The following NOS1 variants were observed in gnomAD, a reference collection of about 807,000 sequenced individuals.
NOS1 encodes the protein nitric oxide synthase 1.
A neutral mutation model predicts 164.5 loss-of-function variants in NOS1; 51 were observed. The ratio of observed to expected loss-of-function variants is 0.31; its 90% CI spans 0.25 to 0.39. NOS1 has a LOEUF of 0.39. Among genes scored for constraint, NOS1 ranks in the 10% least tolerant of loss-of-function variants. NOS1 has a pLI of 1.00. For missense variants in NOS1, 1,362 were observed against 1,885.6 expected (o/e 0.72, Z 5.14); for synonymous variants, 719 against 745.8 (o/e 0.96, Z 0.59).
chr12:117,213,369 G>A lies in NOS1; in HGVS notation c.*1940C>T. The A allele has an allele frequency of 1.0e-6, 1 of 985,492 alleles. No homozygotes were observed. Among genetic ancestry groups the A allele is most frequent in the Non-Finnish European group, 1.2e-6 (1 of 829,970 alleles). 61.0% of individuals were successfully genotyped at this position (985,492 alleles called of 1,614,324 possible). On this transcript the variant is annotated 3_prime_UTR_variant, in exon 29 of 29. Transcript: ENST00000317775. Reference sequence around the variant, plus strand: ...CCCTTCAGGATTAGAAGGGGTGAGTGTGGGATGCTAAGTGTTTGTTCTTTA... The same window carrying A: ...CCCTTCAGGATTAGAAGGGGTGAGTATGGGATGCTAAGTGTTTGTTCTTTA...
At chr12:117,323,640 G>C (rs1875094500) in intron 2 of NOS1, among the ~76,000 whole-genome samples, 1 of 152,114 alleles carries the variant, frequency 6.6e-6, no homozygotes, top group African/African-American at 2.4e-5. Flanking sequence ...AGATTGACCA[G>C]ACTCATAATT....
rs1045826264 is a variant in NOS1, at chr12:117,209,260, C to T, written c.*6049G>A. On this transcript the variant is annotated 3_prime_UTR_variant, in exon 29 of 29. Coordinates refer to ENST00000317775, the MANE Select transcript of NOS1 (RefSeq NM_000620.5). Reference sequence around the variant, plus strand: ...ACATTGGGCAATGTCTGATGACATACTTGATTGTTACCGTTGGCAGGACAC... The same window carrying T: ...ACATTGGGCAATGTCTGATGACATATTTGATTGTTACCGTTGGCAGGACAC... 4.1e-6 allele frequency: 4 copies of T among 976,872 alleles called. No individual in the cohort carries two copies. The highest frequency in any genetic ancestry group is 4.9e-6 in the Non-Finnish European group (4 of 822,072). 60.5% of individuals were successfully genotyped at this position (976,872 alleles called of 1,614,324 possible). A position where few individuals can be genotyped will look rare whatever the true frequency, so the allele number is the denominator to read the frequency against.
At chr12:117,353,307 CATCT>C (rs1441620846) in intron 1 of NOS1, among the ~76,000 whole-genome samples, 3 of 152,004 alleles carry the variant, frequency 2.0e-5, no homozygotes, top group Non-Finnish European at 4.4e-5. Context: ...GTCTATCTAT[CATCT>C]ATCTACCTAC....
At chr12:117,216,992 T>C (rs571687509) in intron 28 of NOS1, among the ~76,000 whole-genome samples, 4 of 152,186 alleles carry the variant, frequency 2.6e-5, no homozygotes, top group Middle Eastern at 3.4e-3. Flanking sequence ...CAGGGGTGCT[T>C]TCCAGGGGTT....
At chr12:117,254,184 T>C (rs776147121) in intron 16 of NOS1, among the ~76,000 whole-genome samples, 7 of 152,204 alleles carry the variant, frequency 4.6e-5, no homozygotes, top group Non-Finnish European at 1.0e-4. Context: ...CTCGTCTCAC[T>C]GCAACCTCTG....
chr12:117,357,481 C>T (rs1055043238), intron 1 of NOS1, among the ~76,000 whole-genome samples: 3 of 152,196 alleles, frequency 2.0e-5, no homozygotes, highest in Non-Finnish European at 2.9e-5. Flanking sequence ...AAGTTATCAT[C>T]GATGAGGATT....
intron 11 of NOS1, among the ~76,000 whole-genome samples, chr12:117,267,765 G>A (rs1872527572): frequency 6.6e-6 from 1 of 152,116 alleles, no homozygotes; most frequent in Non-Finnish European, 1.5e-5. Flanking sequence ...AAGACAGAGA[G>A]GATGCCTCTT....
intron 3 of NOS1, among the ~76,000 whole-genome samples, chr12:117,297,381 T>C (rs1873489452): frequency 6.6e-6 from 1 of 152,010 alleles, no homozygotes; most frequent in African/African-American, 2.4e-5. Context: ...ATGGATTGGG[T>C]AAGTGGAAGG....
intron 24 of NOS1, among the ~76,000 whole-genome samples, chr12:117,226,157 T>C (rs964156373): frequency 7.9e-5 from 12 of 152,152 alleles, no homozygotes; most frequent in Non-Finnish European, 1.5e-4. Context: ...ACCTCAATGG[T>C]TGAGAAAAAT....
chr12:117,223,953 C>T (rs994945502), intron 25 of NOS1, among the ~76,000 whole-genome samples: 5 of 152,202 alleles, frequency 3.3e-5, no homozygotes, highest in African/African-American at 1.2e-4. Flanking sequence ...CGCACCCAGC[C>T]ACGATGTACT....
chr12:117,359,124 C>T (rs1876994954), intron 1 of NOS1, among the ~76,000 whole-genome samples: 1 of 152,238 alleles, frequency 6.6e-6, no homozygotes, highest in Non-Finnish European at 1.5e-5. Context: ...GTGACAGTGC[C>T]TTGGAGCTGT....
intron 2 of NOS1, among the ~76,000 whole-genome samples, chr12:117,319,825 G>T (rs1435991338): frequency 6.6e-6 from 1 of 152,164 alleles, no homozygotes; most frequent in Non-Finnish European, 1.5e-5. Context: ...TAGTTCCTAC[G>T]ATCCAGGTGT....
intron 1 of NOS1, among the ~76,000 whole-genome samples, chr12:117,351,191 G>A (rs1324622902): frequency 6.6e-6 from 1 of 152,198 alleles, no homozygotes; most frequent in East Asian, 1.9e-4. Context: ...GTGGAGACAG[G>A]AGATGAGGGA....
intron 2 of NOS1, 116 bp from the exon 3 acceptor site, chr12:117,311,708 A>G: frequency 8.7e-7 from 1 of 1,152,938 alleles, no homozygotes; most frequent in Non-Finnish European, 1.2e-6. Context: ...ACATAACTCC[A>G]TATGAGCCAG....
Position 117,213,195 on chromosome 12 carries a change from C to T in NOS1, c.*2114G>A, listed in dbSNP as rs1170616865. 3.5e-5 allele frequency: 34 copies of T among 985,294 alleles called. No homozygotes were observed. Among genetic ancestry groups the T allele is most frequent in the Non-Finnish European group, 3.5e-5 (29 of 829,960 alleles). 61.0% of individuals were successfully genotyped at this position (985,294 alleles called of 1,614,324 possible). On this transcript the variant is annotated 3_prime_UTR_variant, in exon 29 of 29. Coordinates refer to ENST00000317775, the MANE Select transcript of NOS1 (RefSeq NM_000620.5). ...GAGTGGGAAGCACTGATCAATTTGT[C>T]TTTAATGGGGATTGGACACAACAGT...
At chr12:117,239,386 A>T (rs1869981684) in intron 20 of NOS1, among the ~76,000 whole-genome samples, 1 of 152,204 alleles carries the variant, frequency 6.6e-6, no homozygotes, top group South Asian at 2.1e-4. Context: ...CCTGACTTCT[A>T]GAACTTAGTG....
chr12:117,238,958 T>C (rs1381116244), intron 20 of NOS1, among the ~76,000 whole-genome samples: 2 of 152,192 alleles, frequency 1.3e-5, no homozygotes, highest in Non-Finnish European at 2.9e-5. Context: ...AAGAGACAAG[T>C]TGGGTGGCTA....
chr12:117,285,350 C>T lies in NOS1; in HGVS notation c.1291-18G>A, dbSNP rs374866819. ...TCGAATACCTGGAAGAGGCACAGGG[C>T]GGAACTGATTGCCTCTTCTTTCCCT... On this transcript the variant is annotated intron_variant, in intron 6 of 28. Transcript: ENST00000317775. 142 of 1,569,974 alleles carry T rather than the reference C, an allele frequency of 9.0e-5. 1 individual carries two copies. In the African/African-American group the frequency reaches 1.1e-3, roughly 13 times the overall value.
Position 117,209,704 on chromosome 12 carries a change from G to A in NOS1, c.*5605C>T. The A allele has an allele frequency of 4.1e-6, 4 of 985,466 alleles. No individual in the cohort carries two copies. Among genetic ancestry groups the A allele is most frequent in the African/African-American group, 1.7e-5 (1 of 57,368 alleles). 61.0% of individuals were successfully genotyped at this position (985,466 alleles called of 1,614,324 possible). A position where few individuals can be genotyped will look rare whatever the true frequency, so the allele number is the denominator to read the frequency against. On this transcript the variant is annotated 3_prime_UTR_variant, in exon 29 of 29. Transcript: ENST00000317775. ...AAGTATTAATAGGAAACAGACTCTCGACAGACACTGCTTTCCACGGGTGAA... is the reference window on the plus strand; with the variant it reads ...AAGTATTAATAGGAAACAGACTCTCAACAGACACTGCTTTCCACGGGTGAA...
Sources: allele counts gnomAD v4.1 joint callset (sites outside exome capture counted in the v4.1 genomes callset), GRCh38; gene constraint gnomAD v4.1.1; transcripts MANE v1.5; gene names NCBI Gene and HGNC (gene_info 2026-07-23, HGNC 2026-07-21).